UBAP2: variants seen among roughly 807,000 people sequenced by gnomAD.
UBAP2 encodes ubiquitin associated protein 2, also known as ubiquitin-associated protein 2.
UBAP2 carries 75 observed loss-of-function variants against 139.6 expected under a neutral mutation model. That is an observed-to-expected ratio of 0.54 (90% confidence interval 0.45 to 0.65). The LOEUF is 0.65. Among genes scored for constraint, UBAP2 ranks in the 30% least tolerant of loss-of-function variants. The probability of loss-of-function intolerance (pLI) is 0.00; values close to 1 mark genes in which losing one functional copy is unlikely to be tolerated. For missense variants in UBAP2, 1,368 were observed against 1,369.6 expected, an observed-to-expected ratio of 1.00 and a Z score of 0.02; for synonymous variants, 526 against 526.2, an observed-to-expected ratio of 1.00 and a Z score of 0.01.
intron 24 of UBAP2, 53 bp downstream of exon 24, chr9:33,923,742 C>G (rs747354172): frequency 3.8e-6 from 6 of 1,584,734 alleles, no homozygotes; most frequent in Non-Finnish European, 4.3e-6. Context: ...CAGGTTTCCA[C>G]CTGCCAGCAA....
In UBAP2 at chr9:33,941,611, C is replaced by T. The variant is rs756749147; in HGVS notation, c.1929+38G>A. On this transcript the variant is annotated intron_variant, in intron 16 of 28. Transcript: ENST00000379238. ...ACCAAACATTAATTTCCAAATAAGACGGACATCTTCTGAGAAAAAAACTAA... is the reference window on the plus strand; with the variant it reads ...ACCAAACATTAATTTCCAAATAAGATGGACATCTTCTGAGAAAAAAACTAA... 1.1e-5 allele frequency: 16 copies of T among 1,521,840 alleles called. No individual in the cohort carries two copies. The Middle Eastern group carries it at 8.5e-4, about 81-fold the overall frequency. The allele number at this position is 1,521,840 out of a possible 1,614,324, so 94.3% of individuals were successfully genotyped here. A position where few individuals can be genotyped will look rare whatever the true frequency, so the allele number is the denominator to read the frequency against.
chr9:33,948,271 ACATCTCTGGACAAAT>A, intron 13 of UBAP2, 88 bp downstream of exon 13: 1 of 1,036,362 alleles, frequency 9.6e-7, no homozygotes, highest in Non-Finnish European at 1.3e-6. Context: ...CTAAAAAGAA[ACATCTCTGGACAAAT>A]TCCACATTAG....
rs761608111 is a variant in UBAP2, at chr9:33,922,669, C to T, written c.3264+18G>A. On this transcript the variant is annotated intron_variant, in intron 28 of 28. Coordinates refer to ENST00000379238, the MANE Select transcript of UBAP2 (RefSeq NM_001370062.2). ...CCCTGGCCCAGAGTAGGGTGGCTGC[C>T]TCCATCACTGTACTCACCTGTGCAT... is the stretch of plus-strand genomic sequence containing the variant. The T allele has an allele frequency of 1.8e-5, 28 of 1,574,078 alleles. No homozygotes were observed. Among genetic ancestry groups the T allele is most frequent in the African/African-American group, 2.7e-5 (2 of 74,024 alleles).
rs1300312570 is a variant in UBAP2, at chr9:33,941,885, A to C, written c.1716-23T>G. The stretch of plus-strand genomic sequence containing the variant: ...TCACTGAAAAGAGTCAAAAATATTC[A>C]ACATAATTTTGTTACTTTAAATAGC... On this transcript the variant is annotated intron_variant, in intron 15 of 28. Coordinates refer to ENST00000379238, the MANE Select transcript of UBAP2 (RefSeq NM_001370062.2). The C allele has an allele frequency of 3.2e-6, 5 of 1,572,202 alleles. No homozygotes were observed. In the Admixed American group the frequency reaches 8.5e-5, roughly 27 times the overall value.
rs532123564 is a variant in UBAP2 at position 33,966,994 on chromosome 9, T to C, written c.680-3203A>G. Reference sequence around the variant, plus strand: ...CAGTAAAAACTAAATGTCACAACAGTGGGACTAAAATATATTAAAGTGGTA... The same window carrying C: ...CAGTAAAAACTAAATGTCACAACAGCGGGACTAAAATATATTAAAGTGGTA... On this transcript the variant is annotated intron_variant, in intron 8 of 28. Transcript: ENST00000379238. Among the ~76,000 whole-genome samples the C allele has an allele frequency of 1.3e-4, 20 of 152,294 alleles. No homozygotes were observed. The East Asian group carries it at 3.7e-3, about 28-fold the overall frequency.
intron 8 of UBAP2, among the ~76,000 whole-genome samples, chr9:33,970,407 G>A (rs1827829206): frequency 6.6e-6 from 1 of 151,610 alleles, no homozygotes; most frequent in Admixed American, 6.6e-5. Flanking sequence ...TTTGGCTAGG[G>A]TTGATGTTAT....
chr9:34,007,507 T>G (rs1823328284), intron 2 of UBAP2, among the ~76,000 whole-genome samples: 1 of 151,748 alleles, frequency 6.6e-6, no homozygotes, highest in South Asian at 2.1e-4. Flanking sequence ...AAAAATAGCC[T>G]TTATTATTTT....
chr9:34,039,013 C>T (rs552415601), intron 1 of UBAP2, among the ~76,000 whole-genome samples: 2 of 150,980 alleles, frequency 1.3e-5, no homozygotes, highest in Non-Finnish European at 3.0e-5. Context: ...CCGGCCGACC[C>T]GTCTGAGAAG....
intron 16 of UBAP2, among the ~76,000 whole-genome samples, chr9:33,940,276 C>T (rs1825089922): frequency 6.6e-6 from 1 of 152,032 alleles, no homozygotes; most frequent in Non-Finnish European, 1.5e-5. Flanking sequence ...AAGTAAGATG[C>T]TGCAAATGTG....
intron 5 of UBAP2, among the ~76,000 whole-genome samples, chr9:33,987,193 T>C (rs1434228220): frequency 6.6e-6 from 1 of 151,834 alleles, no homozygotes; most frequent in Non-Finnish European, 1.5e-5. Context: ...GGTGGATCAC[T>C]TGAGGCCAGG....
At chr9:34,020,150 T>TTAA (rs1554691245) in intron 1 of UBAP2, among the ~76,000 whole-genome samples, 1 of 127,076 alleles carries the variant, frequency 7.9e-6, no homozygotes, top group Non-Finnish European at 1.7e-5. Flanking sequence ...ACTCCATTAT[T>TTAA]AAAAAAAAAA....
intron 2 of UBAP2, among the ~76,000 whole-genome samples, chr9:34,015,995 A>G (rs1165247572): frequency 6.6e-6 from 1 of 152,120 alleles, no homozygotes; most frequent in Non-Finnish European, 1.5e-5. Context: ...GTCTATTGTA[A>G]TTCAGGTATT....
rs564895143 is a variant in UBAP2, at chr9:34,031,186, G to C, written c.-41-13997C>G. ...CTACTACTCGGGAGGCTGAGGCAGA[G>C]GAATCGCTTGAACCCAGGAAGCGGA... On this transcript the variant is annotated intron_variant, in intron 1 of 28. Transcript: ENST00000379238. Among the ~76,000 whole-genome samples the C allele has an allele frequency of 2.7e-5, 4 of 150,038 alleles. No individual in the cohort carries two copies. In the South Asian group the frequency reaches 6.4e-4, roughly 24 times the overall value.
chr9:33,993,191 C>T (rs1194368325), intron 4 of UBAP2, among the ~76,000 whole-genome samples: 2 of 152,190 alleles, frequency 1.3e-5, no homozygotes, highest in Non-Finnish European at 2.9e-5. Flanking sequence ...TTCCACTTAA[C>T]ACCTTTTCCA....
chr9:34,045,616 C>T (rs780107809), intron 1 of UBAP2, among the ~76,000 whole-genome samples: 4 of 152,022 alleles, frequency 2.6e-5, no homozygotes, highest in Non-Finnish European at 5.9e-5. Context: ...TCGTGACCCG[C>T]CCGCCTCCGC....
chr9:33,937,989 TTTC>T (rs981269429), intron 16 of UBAP2, among the ~76,000 whole-genome samples: 1 of 151,326 alleles, frequency 6.6e-6, no homozygotes, highest in African/African-American at 2.4e-5. Flanking sequence ...TTTTGGGGGG[TTTC>T]TTTTGTTTTT....
At chr9:33,947,250 T>C (rs1825719609) in intron 13 of UBAP2, among the ~76,000 whole-genome samples, 2 of 152,162 alleles carry the variant, frequency 1.3e-5, no homozygotes, top group Admixed American at 1.3e-4. Flanking sequence ...CAGAGGAATA[T>C]GCTTCCCTGT....
At chr9:33,928,601 G>C (rs1010631776) in intron 19 of UBAP2, 16 of 152,318 alleles carry the variant, frequency 1.1e-4, no homozygotes, top group African/African-American at 3.9e-4. Context: ...ATGCCTGTTT[G>C]ACAAGGTACC....
At chr9:33,999,863 T>C (rs1179781975) in intron 2 of UBAP2, among the ~76,000 whole-genome samples, 2 of 69,140 alleles carry the variant, frequency 2.9e-5, no homozygotes, top group Non-Finnish European at 6.8e-5. Flanking sequence ...CGTATGTATG[T>C]ATGTATGTAT....
Sources: gnomAD v4.1 joint callset for allele counts (sites outside exome capture counted in the v4.1 genomes callset) on GRCh38, gnomAD v4.1.1 for gene constraint, MANE v1.5 for transcripts, NCBI Gene and HGNC (gene_info 2026-07-23, HGNC 2026-07-21) for gene names.